Variants in FRMPD4 observed in about 807,000 individuals in gnomAD.
FRMPD4 encodes the protein FERM and PDZ domain containing 4.
FRMPD4 carries 22 observed loss-of-function variants against 94.1 expected under a neutral mutation model. The ratio of observed to expected loss-of-function variants is 0.23; its 90% CI spans 0.17 to 0.33. The LOEUF is 0.33. Among genes scored for constraint, FRMPD4 ranks in the 10% least tolerant of loss-of-function variants. FRMPD4 has a pLI of 1.00. For missense variants in FRMPD4, 1,111 were observed against 1,339.9 expected (o/e 0.83, Z 2.67); for synonymous variants, 631 against 548.6 (o/e 1.15, Z -2.10).
At chrX:12,348,867 A>C (rs904876229) in intron 1 of FRMPD4, among the ~76,000 whole-genome samples, 6 of 112,376 alleles carry the variant, frequency 5.3e-5, no homozygotes, top group Non-Finnish European at 7.5e-5. Context: ...AAAAAATGCA[A>C]AGCAAAAACT....
chrX:12,669,554 C>T (rs1477593056), intron 4 of FRMPD4, among the ~76,000 whole-genome samples: 2 of 112,088 alleles, frequency 1.8e-5, no homozygotes, highest in Middle Eastern at 4.2e-3. Context: ...TGTCTATGGT[C>T]GGCAGAATAA....
At chrX:12,235,168 G>A (rs2057057501) in intron 1 of FRMPD4, among the ~76,000 whole-genome samples, 1 of 111,880 alleles carries the variant, frequency 8.9e-6, no homozygotes, top group Non-Finnish European at 1.9e-5. Context: ...TGCTGTGTCA[G>A]CAGGTGGAAT....
intron 2 of FRMPD4, among the ~76,000 whole-genome samples, chrX:12,594,021 C>T (rs1022588259): frequency 9.0e-6 from 1 of 110,832 alleles, no homozygotes; most frequent in African/African-American, 3.3e-5. Flanking sequence ...TATCTATGTG[C>T]CTGGTCATGT....
At chrX:11,996,230 AT>A (rs1304182275) in intron 3 of FRMPD4, among the ~76,000 whole-genome samples, 3 of 112,259 alleles carry the variant, frequency 2.7e-5, no homozygotes, top group African/African-American at 9.7e-5. Flanking sequence ...AAGTTGCTAC[AT>A]TTCTGTCAGA....
At chrX:12,424,120 G>A (rs1601928387) in intron 1 of FRMPD4, among the ~76,000 whole-genome samples, 1 of 112,411 alleles carries the variant, frequency 8.9e-6, no homozygotes. Flanking sequence ...TCATTGTGAA[G>A]AAATGATGGG....
upstream of FRMPD4, among the ~76,000 whole-genome samples, chrX:12,137,217 T>G (rs187231428): frequency 8.9e-6 from 1 of 112,402 alleles, no homozygotes; most frequent in Non-Finnish European, 1.9e-5. Context: ...CTGATAACTA[T>G]GTATTCAAAA....
At chrX:11,909,059 C>T (rs2053983080) in intron 3 of FRMPD4, among the ~76,000 whole-genome samples, 2 of 111,590 alleles carry the variant, frequency 1.8e-5, no homozygotes, top group South Asian at 3.7e-4. Flanking sequence ...CAAGGTAGTG[C>T]TAGCCTCATA....
chrX:12,377,188 C>T (rs1569252132), intron 1 of FRMPD4, among the ~76,000 whole-genome samples: 1 of 112,484 alleles, frequency 8.9e-6, no homozygotes, highest in East Asian at 2.8e-4. Flanking sequence ...AAATTTAATC[C>T]CCAAACCAGG....
intron 3 of FRMPD4, among the ~76,000 whole-genome samples, chrX:12,030,641 C>T (rs1272287543): frequency 3.6e-5 from 4 of 112,005 alleles, no homozygotes; most frequent in Middle Eastern, 4.2e-3. Context: ...CATGCTAAGA[C>T]AAATGGACAT....
chrX:11,835,152 C>G (rs754412981), intron 1 of FRMPD4, among the ~76,000 whole-genome samples: 37 of 111,487 alleles, frequency 3.3e-4, no homozygotes, highest in Admixed American at 1.9e-4. Context: ...AACCACTGAC[C>G]ACTGACTTCA....
chrX:12,500,285 G>A (rs1049360598), intron 2 of FRMPD4, among the ~76,000 whole-genome samples: 6 of 111,320 alleles, frequency 5.4e-5, no homozygotes, highest in African/African-American at 1.3e-4. Context: ...GCCAAACACC[G>A]GATCACCGTG....
At chrX:11,927,654 T>C (rs755813573) in intron 3 of FRMPD4, among the ~76,000 whole-genome samples, 1 of 112,356 alleles carries the variant, frequency 8.9e-6, no homozygotes, top group Non-Finnish European at 1.9e-5. Flanking sequence ...GAGGAAAGGA[T>C]TCCTAATTCA....
intron 1 of FRMPD4, among the ~76,000 whole-genome samples, chrX:12,384,262 A>G (rs1023211073): frequency 1.1e-4 from 12 of 112,056 alleles, no homozygotes; most frequent in Non-Finnish European, 2.1e-4. Context: ...ACACCTATAA[A>G]CCCGGCACTC....
chrX:12,063,084 A>C (rs779297980), intron 3 of FRMPD4, among the ~76,000 whole-genome samples: 1 of 112,191 alleles, frequency 8.9e-6, no homozygotes, highest in African/African-American at 3.2e-5. Context: ...CAAATTAAGA[A>C]TGCTACTAGG....
intron 1 of FRMPD4, among the ~76,000 whole-genome samples, chrX:12,317,439 A>G (rs1273651820): frequency 9.0e-6 from 1 of 111,011 alleles, no homozygotes; most frequent in African/African-American, 3.3e-5. Context: ...ATGGGATTAC[A>G]TCAAGCTAAA....
intron 5 of FRMPD4, among the ~76,000 whole-genome samples, chrX:12,682,489 A>C (rs1258008586): frequency 3.5e-5 from 4 of 112,771 alleles, no homozygotes; most frequent in African/African-American, 1.3e-4. Flanking sequence ...TTTCATTTAT[A>C]AAATAACAAT....
intron 1 of FRMPD4, among the ~76,000 whole-genome samples, chrX:12,212,093 C>T (rs1480466066): frequency 9.0e-6 from 1 of 111,524 alleles, no homozygotes; most frequent in Non-Finnish European, 1.9e-5. Flanking sequence ...CTATAATAGG[C>T]ACTGGCAGAC....
At chrX:11,839,267 ATTGT>A (rs1486801083) in intron 1 of FRMPD4, among the ~76,000 whole-genome samples, 2 of 111,557 alleles carry the variant, frequency 1.8e-5, no homozygotes, top group Admixed American at 1.9e-4. Context: ...AACACTTGTT[ATTGT>A]TTCTTTTTTA....
chrX:12,268,939 A>T (rs2054313431), intron 1 of FRMPD4, among the ~76,000 whole-genome samples: 1 of 112,488 alleles, frequency 8.9e-6, no homozygotes, highest in African/African-American at 3.2e-5. Context: ...ATTGAAAATG[A>T]ATTAAATAAC....
Sources: allele counts gnomAD v4.1 joint callset (sites outside exome capture counted in the v4.1 genomes callset), GRCh38; gene constraint gnomAD v4.1.1; transcripts MANE v1.5; gene names NCBI Gene and HGNC (gene_info 2026-07-23, HGNC 2026-07-21).